Variants in ZNF451 observed in about 807,000 individuals in gnomAD.
The protein encoded by ZNF451 is zinc finger protein 451, also known as E3 SUMO-protein ligase ZNF451.
ZNF451 carries 80 observed loss-of-function variants against 107.1 expected under a neutral mutation model. That is an observed-to-expected ratio of 0.75 (90% confidence interval 0.62 to 0.90). ZNF451 has a LOEUF of 0.90. Among genes scored for constraint, ZNF451 ranks in the 40% least tolerant of loss-of-function variants. ZNF451 has a pLI of 0.00. For synonymous variants in ZNF451, 362 were observed against 406.5 expected (o/e 0.89, Z 1.32); for missense variants, 1,107 against 1,236.2 (o/e 0.90, Z 1.57).
intron 3 of ZNF451, chr6:57,104,699 C>T (rs1250016466): frequency 7.1e-6 from 7 of 985,198 alleles, no homozygotes; most frequent in Non-Finnish European, 8.4e-6. Context: ...TTGCGCAGCT[C>T]CTCCATTCTT....
At chr6:57,096,007 A>G (rs1286856675) in intron 2 of ZNF451, among the ~76,000 whole-genome samples, 1 of 151,914 alleles carries the variant, frequency 6.6e-6, no homozygotes, top group Non-Finnish European at 1.5e-5. Flanking sequence ...TATTTTTAAT[A>G]GAGACAGAGT....
intron 11 of ZNF451, 176 bp from the exon 12 acceptor site, chr6:57,152,045 C>T: frequency 1.9e-6 from 1 of 524,356 alleles, no homozygotes; most frequent in Non-Finnish European, 3.2e-6. Flanking sequence ...TCCACTTTCT[C>T]AAGACTTTAA....
At chr6:57,100,983 A>G (rs1439418392) in intron 3 of ZNF451, 1 of 1,550,946 alleles carries the variant, frequency 6.4e-7, no homozygotes, top group East Asian at 2.4e-5. Flanking sequence ...AGACACAAGT[A>G]GCTGAAATGT....
At chr6:57,130,125 C>T (rs956626831) in intron 5 of ZNF451, among the ~76,000 whole-genome samples, 6 of 152,112 alleles carry the variant, frequency 3.9e-5, no homozygotes, top group South Asian at 4.1e-4. Context: ...AAAGAATGCT[C>T]AACATAGAGA....
intron 2 of ZNF451, among the ~76,000 whole-genome samples, chr6:57,097,398 C>G (rs1250979652): frequency 6.6e-6 from 1 of 152,214 alleles, no homozygotes; most frequent in Non-Finnish European, 1.5e-5. Flanking sequence ...AGTCAACTTT[C>G]TACATCCTAC....
At chr6:57,103,452 C>T (rs1344918338) in intron 3 of ZNF451, 2 of 985,246 alleles carry the variant, frequency 2.0e-6, no homozygotes, top group Admixed American at 1.2e-4. Context: ...TAGTTTTTCA[C>T]CATACTGGAA....
rs1453615251 is a variant in ZNF451 at position 57,101,139 on chromosome 6, A to G, written c.186+1998A>G. On this transcript the variant is annotated intron_variant, in intron 3 of 14. Transcript: ENST00000370706. ...TTGAAGAAGAAACTGATTACAAATC[A>G]CCATCAGCTGATGACAAAGGGCAGC... The G allele has an allele frequency of 3.2e-5, 50 of 1,550,756 alleles. No homozygotes were observed. The East Asian group carries it at 5.4e-4, about 17-fold the overall frequency.
chr6:57,093,515 A>C (rs1407789267), intron 2 of ZNF451, among the ~76,000 whole-genome samples: 1 of 152,212 alleles, frequency 6.6e-6, no homozygotes, highest in African/African-American at 2.4e-5. Flanking sequence ...ACAAGGATTA[A>C]TTTGAAATAC....
chr6:57,105,557 C>T (rs1593088285), intron 3 of ZNF451: 1 of 985,324 alleles, frequency 1.0e-6, no homozygotes, highest in East Asian at 1.1e-4. Context: ...TTCTTTATAG[C>T]ACTGTTGATT....
intron 2 of ZNF451, among the ~76,000 whole-genome samples, chr6:57,096,557 A>G (rs1383630907): frequency 1.7e-5 from 2 of 119,130 alleles, no homozygotes; most frequent in Admixed American, 1.2e-4. Context: ...CTTCTTCTTT[A>G]CTTTCTGTGC....
At chr6:57,108,872 A>G (rs1829990622) in intron 3 of ZNF451, 1 of 985,350 alleles carries the variant, frequency 1.0e-6, no homozygotes, top group Non-Finnish European at 1.2e-6. Flanking sequence ...TCATTAAGTC[A>G]TTAAGCAACT....
At chr6:57,112,128 A>G (rs908504132) in intron 3 of ZNF451, among the ~76,000 whole-genome samples, 1 of 152,176 alleles carries the variant, frequency 6.6e-6, no homozygotes, top group African/African-American at 2.4e-5. Context: ...ATTGCTTTTC[A>G]AAGTGTTATT....
At chr6:57,167,912 C>T (rs746165283) in intron 14 of ZNF451, among the ~76,000 whole-genome samples, 9 of 152,148 alleles carry the variant, frequency 5.9e-5, no homozygotes, top group Non-Finnish European at 8.8e-5. Context: ...TCTCAGATGA[C>T]ATTTATGTGG....
chr6:57,161,751 G>A (rs1304334689), intron 14 of ZNF451, among the ~76,000 whole-genome samples: 1 of 152,232 alleles, frequency 6.6e-6, no homozygotes, highest in East Asian at 1.9e-4. Flanking sequence ...CTGGAATGCA[G>A]TGGTACAATC....
At chr6:57,120,289 T>C (rs1830577219) in intron 3 of ZNF451, among the ~76,000 whole-genome samples, 1 of 152,220 alleles carries the variant, frequency 6.6e-6, no homozygotes, top group South Asian at 2.1e-4. Flanking sequence ...TGTTCTATTG[T>C]CTGAATATAC....
intron 3 of ZNF451, among the ~76,000 whole-genome samples, chr6:57,122,188 A>C (rs1019181869): frequency 1.3e-5 from 2 of 152,200 alleles, no homozygotes; most frequent in Non-Finnish European, 2.9e-5. Flanking sequence ...CCATATTCAG[A>C]AGTGTAAAAT....
intron 14 of ZNF451, among the ~76,000 whole-genome samples, chr6:57,167,612 TAGGGAGATC>T (rs1398072220): frequency 6.6e-6 from 1 of 152,130 alleles, no homozygotes; most frequent in Non-Finnish European, 1.5e-5. Flanking sequence ...GGTTGCATCT[TAGGGAGATC>T]ACTGGTGCCT....
At chr6:57,105,082 A>G in intron 3 of ZNF451, 6 of 985,454 alleles carry the variant, frequency 6.1e-6, no homozygotes, top group Non-Finnish European at 7.2e-6. Context: ...TAGGGAGATT[A>G]CCCCAATAGA....
chr6:57,113,892 A>G (rs1830240515), intron 3 of ZNF451, among the ~76,000 whole-genome samples: 1 of 152,142 alleles, frequency 6.6e-6, no homozygotes, highest in Admixed American at 6.5e-5. Flanking sequence ...AAGTGCTGGG[A>G]TTACAGGCGT....
Sources: gnomAD v4.1 joint callset for allele counts (sites outside exome capture counted in the v4.1 genomes callset) on GRCh38, gnomAD v4.1.1 for gene constraint, MANE v1.5 for transcripts, NCBI Gene and HGNC (gene_info 2026-07-23, HGNC 2026-07-21) for gene names.